The following CNTNAP3 variants were observed in gnomAD, a reference collection of about 807,000 sequenced individuals.
The protein encoded by CNTNAP3 is contactin associated protein family member 3.
CNTNAP3 carries 36 observed loss-of-function variants against 92.1 expected under a neutral mutation model. The observed-to-expected ratio is 0.39, with a 90% CI of 0.30 to 0.52. The LOEUF (loss-of-function observed/expected upper bound fraction) is 0.52, where lower values mean the gene tolerates loss of function less well. CNTNAP3 is among the 20% of genes least tolerant of loss of function. CNTNAP3 has a pLI of 0.76. For synonymous variants in CNTNAP3, 232 were observed against 422.3 expected, an observed-to-expected ratio of 0.55 and a Z score of 5.53; for missense variants, 534 against 1,069.6, an observed-to-expected ratio of 0.50 and a Z score of 6.98.
intron 15 of CNTNAP3, among the ~76,000 whole-genome samples, chr9:39,107,049 G>A (rs1449049671): frequency 1.3e-5 from 2 of 152,064 alleles, no homozygotes; most frequent in East Asian, 3.9e-4. Flanking sequence ...GGGACAAGAA[G>A]TATGTGTCTG....
intron 14 of CNTNAP3, among the ~76,000 whole-genome samples, chr9:39,115,631 A>T (rs1177345731): frequency 1.3e-5 from 2 of 151,850 alleles, no homozygotes; most frequent in Non-Finnish European, 2.9e-5. Flanking sequence ...AAATGACTCC[A>T]CAATGCTCCC....
At chr9:39,141,487 C>T (rs1362548759) in intron 11 of CNTNAP3, among the ~76,000 whole-genome samples, 2 of 152,112 alleles carry the variant, frequency 1.3e-5, no homozygotes, top group Non-Finnish European at 2.9e-5. Context: ...TTCAAGACAG[C>T]TGAAATTCAA....
At chr9:39,084,209 T>TTTC (rs1405165496) in intron 21 of CNTNAP3, among the ~76,000 whole-genome samples, 14 of 148,028 alleles carry the variant, frequency 9.5e-5, no homozygotes, top group Non-Finnish European at 1.5e-5. Flanking sequence ...TTTTTTTTTT[T>TTTC]TTTTTTTGAG....
At chr9:39,101,254 T>C (rs949468326) in intron 17 of CNTNAP3, among the ~76,000 whole-genome samples, 2 of 151,128 alleles carry the variant, frequency 1.3e-5, no homozygotes, top group African/African-American at 4.9e-5. Context: ...CCCATCCACA[T>C]CCACATACAT....
intron 18 of CNTNAP3, among the ~76,000 whole-genome samples, chr9:39,090,352 T>C (rs1199502603): frequency 2.0e-5 from 3 of 152,228 alleles, no homozygotes; most frequent in Non-Finnish European, 4.4e-5. Flanking sequence ...TGTTCTCCCA[T>C]GTTTTAAGAG....
rs1218384721 is a variant in CNTNAP3 at position 39,151,013 on chromosome 9, T to A, written c.1478-1036A>T. Among the ~76,000 whole-genome samples the A allele has an allele frequency of 1.3e-5, 2 of 148,218 alleles. 1 individual carries two copies. Among genetic ancestry groups the A allele is most frequent in the African/African-American group, 5.1e-5 (2 of 39,444 alleles). On this transcript the variant is annotated intron_variant, in intron 9 of 23. Coordinates refer to ENST00000297668, the MANE Select transcript of CNTNAP3 (RefSeq NM_033655.5). ...TATAACCTAATAATGGAACTGTAAG[T>A]TTGAAAAGTAAGGAAAAGGATGAAA...
chr9:39,139,698 G>A (rs1821524941), intron 12 of CNTNAP3: 1 of 151,356 alleles, frequency 6.6e-6, no homozygotes, highest in African/African-American at 2.4e-5. Context: ...TATTTAAAAG[G>A]CATTCTAGTG....
chr9:39,088,130 C>G (rs954901437), intron 19 of CNTNAP3, among the ~76,000 whole-genome samples: 3 of 151,874 alleles, frequency 2.0e-5, no homozygotes, highest in Admixed American at 1.3e-4. Context: ...ACTGCAAAAC[C>G]AATTTGAGTC....
intron 4 of CNTNAP3, among the ~76,000 whole-genome samples, chr9:39,183,980 T>G (rs558989896): frequency 1.3e-5 from 2 of 149,696 alleles, no homozygotes; most frequent in East Asian, 3.9e-4. Flanking sequence ...AACTACAGAT[T>G]AGTTTTGTCA....
intron 12 of CNTNAP3, among the ~76,000 whole-genome samples, chr9:39,137,244 C>G (rs1183661798): frequency 4.0e-5 from 6 of 151,630 alleles, no homozygotes; most frequent in Admixed American, 1.3e-4. Flanking sequence ...ATTGAGGTAT[C>G]TCTAAGCTTA....
intron 13 of CNTNAP3, among the ~76,000 whole-genome samples, chr9:39,130,694 C>G (rs1821265968): frequency 6.6e-6 from 1 of 151,882 alleles, no homozygotes; most frequent in African/African-American, 2.4e-5. Context: ...TTAGTAGAGA[C>G]GGTGTTTCAT....
chr9:39,115,744 C>T (rs1389504647), intron 14 of CNTNAP3, among the ~76,000 whole-genome samples: 7 of 151,970 alleles, frequency 4.6e-5, no homozygotes, highest in Non-Finnish European at 7.4e-5. Flanking sequence ...CAGTCCTTGA[C>T]GGTGCTGAAG....
At chr9:39,217,358 GTATATATATA>G (rs58203008) in intron 3 of CNTNAP3, among the ~76,000 whole-genome samples, 531 of 4,240 alleles carry the variant, frequency 0.13, 161 homozygotes, top group Middle Eastern at 0.5. Context: ...ATTTACATGA[GTATATATATA>G]TATATATATA....
chr9:39,146,819 A>G (rs1821713631), intron 10 of CNTNAP3, among the ~76,000 whole-genome samples: 1 of 152,202 alleles, frequency 6.6e-6, no homozygotes, highest in South Asian at 2.1e-4. Context: ...AGATAACTTC[A>G]TACCCCTTAT....
intron 18 of CNTNAP3, among the ~76,000 whole-genome samples, chr9:39,091,186 T>TC (rs985670295): frequency 2.7e-5 from 4 of 148,488 alleles, no homozygotes; most frequent in African/African-American, 9.9e-5. Context: ...TTTTTTTTTT[T>TC]CATTTTCTTG....
rs1054738879 is a variant in CNTNAP3 at position 39,069,012 on chromosome 9, A to G, written c.*4878T>C. ...AAAAGAAATATATGTAAGTATAAAC[A>G]CACATACACATATATATATGTATGT... On this transcript the variant is annotated 3_prime_UTR_variant, in exon 24 of 24. Coordinates refer to ENST00000297668, the MANE Select transcript of CNTNAP3 (RefSeq NM_033655.5). 7.6e-6 allele frequency among the ~76,000 whole-genome samples: 1 copy of G among 131,056 alleles called. No homozygotes were observed. Among genetic ancestry groups the G allele is most frequent in the African/African-American group, 3.2e-5 (1 of 31,668 alleles). The allele number at this position is 131,056 out of a possible 152,430, so 86.0% of individuals were successfully genotyped here.
chr9:39,150,190 A>G (rs1821810349), intron 9 of CNTNAP3, among the ~76,000 whole-genome samples: 1 of 152,032 alleles, frequency 6.6e-6, no homozygotes, highest in Admixed American at 6.6e-5. Flanking sequence ...ATTATGGGGG[A>G]AAATTCAGAT....
At chr9:39,150,035 G>A (rs1469846635) in intron 9 of CNTNAP3, 58 bp from the exon 10 acceptor site, 2 of 1,422,814 alleles carry the variant, frequency 1.4e-6, no homozygotes, top group African/African-American at 1.4e-5. Flanking sequence ...CTATTCCACA[G>A]TATTTACTAT....
At chr9:39,164,882 T>TA (rs1253291754) in intron 9 of CNTNAP3, among the ~76,000 whole-genome samples, 3 of 147,230 alleles carry the variant, frequency 2.0e-5, no homozygotes, top group African/African-American at 5.1e-5. Context: ...TCTTTTAATT[T>TA]AAAAAAATCC....
Sources: gnomAD v4.1 joint callset for allele counts (sites outside exome capture counted in the v4.1 genomes callset) on GRCh38, gnomAD v4.1.1 for gene constraint, MANE v1.5 for transcripts, NCBI Gene and HGNC (gene_info 2026-07-23, HGNC 2026-07-21) for gene names.